The following GRM7 variants were observed in gnomAD, a reference collection of about 807,000 sequenced individuals.
The protein encoded by GRM7 is glutamate metabotropic receptor 7.
A neutral mutation model predicts 84.5 loss-of-function variants in GRM7; 35 were observed. The ratio of observed to expected loss-of-function variants is 0.41; its 90% CI spans 0.32 to 0.55. The LOEUF is 0.55. GRM7 is among the 20% of genes least tolerant of loss of function. The pLI is 0.19. For missense variants in GRM7, 1,003 were observed against 1,194.6 expected, an observed-to-expected ratio of 0.84 and a Z score of 2.36; for synonymous variants, 487 against 455.1, an observed-to-expected ratio of 1.07 and a Z score of -0.89.
intron 8 of GRM7, among the ~76,000 whole-genome samples, chr3:7,665,426 C>T (rs6786225): frequency 0.019 from 2,842 of 152,028 alleles, 93 homozygotes; most frequent in African/African-American, 0.065. Context: ...CCACCCGCCT[C>T]GGCCTCCCAA....
intron 2 of GRM7, among the ~76,000 whole-genome samples, chr3:7,255,206 T>C (rs1430338004): frequency 6.6e-6 from 1 of 152,210 alleles, no homozygotes; most frequent in East Asian, 1.9e-4. Flanking sequence ...ATCTATGAAA[T>C]AAAGAGGTTG....
chr3:7,715,878 G>C (rs17047850), intron 9 of GRM7, among the ~76,000 whole-genome samples: 1 of 152,044 alleles, frequency 6.6e-6, no homozygotes, highest in African/African-American at 2.4e-5. Context: ...ACTTGCTACT[G>C]CAGGTATTTG....
intron 7 of GRM7, among the ~76,000 whole-genome samples, chr3:7,542,945 C>T (rs1312475425): frequency 6.6e-6 from 1 of 152,160 alleles, no homozygotes; most frequent in East Asian, 1.9e-4. Context: ...CCCACCCTCG[C>T]CATACCCTCA....
At chr3:7,528,049 G>C (rs917083364) in intron 7 of GRM7, among the ~76,000 whole-genome samples, 2 of 151,900 alleles carry the variant, frequency 1.3e-5, no homozygotes, top group Non-Finnish European at 2.9e-5. Context: ...CAGAATAAGA[G>C]AGAAATCCCT....
intron 8 of GRM7, among the ~76,000 whole-genome samples, chr3:7,597,283 C>T (rs771775207): frequency 6.6e-6 from 1 of 152,108 alleles, no homozygotes; most frequent in Non-Finnish European, 1.5e-5. Flanking sequence ...TGAGAACCCA[C>T]TAGCTATTGC....
chr3:7,006,658 T>C (rs1695190813), intron 1 of GRM7, among the ~76,000 whole-genome samples: 1 of 152,176 alleles, frequency 6.6e-6, no homozygotes, highest in Non-Finnish European at 1.5e-5. Flanking sequence ...TAAATCATAC[T>C]GGGAGGAGAA....
At chr3:7,547,351 C>T (rs1318165567) in intron 7 of GRM7, among the ~76,000 whole-genome samples, 3 of 151,776 alleles carry the variant, frequency 2.0e-5, no homozygotes, top group Non-Finnish European at 4.4e-5. Flanking sequence ...GGACTACAGG[C>T]GCCCGCCGCC....
intron 1 of GRM7, among the ~76,000 whole-genome samples, chr3:7,032,278 C>G (rs1033736189): frequency 2.0e-5 from 3 of 152,158 alleles, no homozygotes; most frequent in African/African-American, 7.2e-5. Context: ...GAAAATGTGG[C>G]TTTCAGCCCA....
chr3:7,542,795 C>G (rs1168811010), intron 7 of GRM7, among the ~76,000 whole-genome samples: 12 of 152,154 alleles, frequency 7.9e-5, no homozygotes, highest in Admixed American at 7.9e-4. Context: ...ATCTGCCTGC[C>G]TCGGCCTCCC....
Position 7,583,698 on chromosome 3 carries a change from A to T in GRM7, c.2451+4341A>T, listed in dbSNP as rs142603357. Among the ~76,000 whole-genome samples, 1,327 of 152,326 alleles carry T rather than the reference A, an allele frequency of 8.7e-3. 28 individuals are homozygous for T. Among genetic ancestry groups the T allele is most frequent in the African/African-American group, 0.031 (1,283 of 41,576 alleles). On this transcript the variant is annotated intron_variant, in intron 8 of 9. Transcript: ENST00000357716. ...TTAATTCTTGTTGGTTTCGTCTCCA[A>T]TTACAAATCTTTTTTGTTAAATTGC...
At chr3:7,615,036 G>A (rs527633735) in intron 8 of GRM7, among the ~76,000 whole-genome samples, 5 of 152,100 alleles carry the variant, frequency 3.3e-5, no homozygotes, top group East Asian at 1.9e-4. Context: ...GGCATCTTGC[G>A]GTCTTTGACT....
chr3:7,203,850 G>C (rs182098084), intron 2 of GRM7, among the ~76,000 whole-genome samples: 1 of 151,920 alleles, frequency 6.6e-6, no homozygotes, highest in Non-Finnish European at 1.5e-5. Flanking sequence ...TATTCTTATC[G>C]CTACAAATTT....
chr3:6,862,981 A>G lies in GRM7; in HGVS notation c.519+1074A>G, dbSNP rs1694813992. Reference sequence around the variant, plus strand: ...CTCCTGCTCCAGCAGCCTCTGCCCCATGGCTCCTGAGCTGCACTGGGTAGG... The same window carrying G: ...CTCCTGCTCCAGCAGCCTCTGCCCCGTGGCTCCTGAGCTGCACTGGGTAGG... On this transcript the variant is annotated intron_variant, in intron 1 of 9. Transcript: ENST00000357716. The surrounding 1 kb of genome is among the most constrained non-coding windows in gnomAD (Gnocchi z 5.2). 2.2e-6 allele frequency: 1 copy of G among 456,188 alleles called. No individual in the cohort carries two copies. The highest frequency in any genetic ancestry group is 4.4e-6 in the Non-Finnish European group (1 of 226,814). 28.3% of individuals were successfully genotyped at this position (456,188 alleles called of 1,614,324 possible). A position where few individuals can be genotyped will look rare whatever the true frequency, so the allele number is the denominator to read the frequency against.
intron 2 of GRM7, among the ~76,000 whole-genome samples, chr3:7,167,158 C>G (rs1694825960): frequency 6.6e-6 from 1 of 152,184 alleles, no homozygotes. Flanking sequence ...CTCATCAGCA[C>G]TCTAAGCAAA....
chr3:7,720,607 C>T (rs1170861213), intron 9 of GRM7, among the ~76,000 whole-genome samples: 3 of 152,196 alleles, frequency 2.0e-5, no homozygotes, highest in Non-Finnish European at 4.4e-5. Context: ...GCTCCCTGAG[C>T]ACTTTACAGC....
chr3:7,396,210 A>T (rs1695207851), intron 4 of GRM7, among the ~76,000 whole-genome samples: 1 of 152,130 alleles, frequency 6.6e-6, no homozygotes, highest in Non-Finnish European at 1.5e-5. Flanking sequence ...TCCCAGTAAG[A>T]ACCTTTAAAA....
chr3:7,346,756 T>C (rs1453409447), intron 4 of GRM7, among the ~76,000 whole-genome samples: 1 of 152,144 alleles, frequency 6.6e-6, no homozygotes, highest in African/African-American at 2.4e-5. Context: ...TTAAAAAATA[T>C]TTTACCAATT....
intron 1 of GRM7, among the ~76,000 whole-genome samples, chr3:7,066,219 A>G (rs1697654703): frequency 6.6e-6 from 1 of 151,948 alleles, no homozygotes; most frequent in South Asian, 2.1e-4. Flanking sequence ...AAAATTTACA[A>G]AGGATAAATG....
Position 7,726,533 on chromosome 3 carries a change from C to T in GRM7, c.2699-13824C>T, listed in dbSNP as rs543593539. On this transcript the variant is annotated intron_variant, in intron 9 of 9. Coordinates refer to ENST00000357716, the MANE Select transcript of GRM7 (RefSeq NM_000844.4). ...TTGAAAAGTTTAAAACTTACGAATACATTGAAATGAGGACCAACAATATGT... is the reference window on the plus strand; with the variant it reads ...TTGAAAAGTTTAAAACTTACGAATATATTGAAATGAGGACCAACAATATGT... Among the ~76,000 whole-genome samples, 68 of 146,304 alleles carry T rather than the reference C, an allele frequency of 4.6e-4. 1 individual carries two copies. Among genetic ancestry groups the T allele is most frequent in the South Asian group, 4.5e-3 (21 of 4,622 alleles).
Sources: allele counts gnomAD v4.1 joint callset (sites outside exome capture counted in the v4.1 genomes callset), GRCh38; gene constraint gnomAD v4.1.1; non-coding constraint Gnocchi (gnomAD v3.1); transcripts MANE v1.5; gene names NCBI Gene and HGNC (gene_info 2026-07-23, HGNC 2026-07-21).